Variants in INPP5J observed in about 807,000 individuals in gnomAD.
INPP5J encodes inositol polyphosphate-5-phosphatase J, also known as phosphatidylinositol 4,5-bisphosphate 5-phosphatase A.
In INPP5J, 75 loss-of-function variants were observed where a neutral mutation model predicts 86.6. The ratio of observed to expected loss-of-function variants is 0.87; its 90% CI spans 0.72 to 1.05. INPP5J has a LOEUF of 1.05. Among genes scored for constraint, INPP5J ranks in the 50% least tolerant of loss-of-function variants. The pLI, the probability that INPP5J is intolerant of heterozygous loss-of-function variation, is 0.00. For synonymous variants in INPP5J, 540 were observed against 550.0 expected, an observed-to-expected ratio of 0.98 and a Z score of 0.25; for missense variants, 1,229 against 1,341.2, an observed-to-expected ratio of 0.92 and a Z score of 1.31.
In INPP5J at chr22:31,133,220, G is replaced by C; in HGVS notation, c.2316G>C (p.Trp772Cys). The C allele has an allele frequency of 6.2e-7, 1 of 1,607,216 alleles. No homozygotes were observed. Among genetic ancestry groups the C allele is most frequent in the Non-Finnish European group, 8.5e-7 (1 of 1,177,978 alleles). ...ETVFARSSWD[W>C]IGLYRVGFRH... Reference sequence around the variant, plus strand: ...TGTTCGCCCGCAGCTCCTGGGACTGGATCGGCTTATACCGGGTGAGAGGGG... The same window carrying C: ...TGTTCGCCCGCAGCTCCTGGGACTGCATCGGCTTATACCGGGTGAGAGGGG... Residue 772 changes from tryptophan to cysteine, a missense_variant, in exon 10 of 13, where the codon TGG becomes TGC. Transcript: ENST00000331075.
rs116943163 is a variant in INPP5J at position 31,131,107 on chromosome 22, C to A, written c.2194-1991C>A. 2.4e-3 allele frequency among the ~76,000 whole-genome samples: 361 copies of A among 152,322 alleles called. 2 individuals carry two copies. The highest frequency in any genetic ancestry group is 6.8e-3 in the Middle Eastern group (2 of 294). ...CAGTCAGTGGGACATTGGCCAATAT[C>A]TTTAGCTGGGAATGGAAATATCCCC... On this transcript the variant is annotated intron_variant, in intron 9 of 12. Transcript: ENST00000331075.
In INPP5J at chr22:31,128,652, C is replaced by A. The variant is rs1921750757; in HGVS notation, c.2191C>A (p.Gln731Lys). ...GCCTGTGGCTGCCCAGTTCCTCCTG[C>A]AGGTGAGTTCTGGCCTCATCCTCCC... ...HKPVAAQFLL[Q>K]FAFRDDMPLV... The change falls in exon 9 of 13, where the codon CAG becomes AAG. Residue 731 changes from glutamine to lysine, a missense_variant and splice_region_variant. By Grantham distance (53) the Gln-to-Lys change is moderately conservative. Coordinates refer to ENST00000331075, the MANE Select transcript of INPP5J (RefSeq NM_001284285.2). The A allele has an allele frequency of 1.9e-6, 3 of 1,577,628 alleles. No individual in the cohort carries two copies. Among genetic ancestry groups the A allele is most frequent in the Non-Finnish European group, 2.6e-6 (3 of 1,162,102 alleles).
intron 5 of INPP5J, 60 bp from the exon 6 acceptor site, chr22:31,127,297 C>G: frequency 1.4e-6 from 2 of 1,479,648 alleles, no homozygotes; most frequent in Non-Finnish European, 1.8e-6. Flanking sequence ...ACCCCCGCTC[C>G]CAGTGCCTCA....
Position 31,133,720 on chromosome 22 carries a change from T to G in INPP5J, c.2514+6T>G, listed in dbSNP as rs768106175. On this transcript the variant is annotated splice_donor_region_variant and intron_variant, in intron 12 of 12. Transcript: ENST00000331075. The stretch of plus-strand genomic sequence containing the variant: ...GCATCACTGAACCCTTCCAGGTAAG[T>G]AGGCCAGACTGCTGGGCTGGGGGTG... 43 of 1,607,508 alleles carry G rather than the reference T, an allele frequency of 2.7e-5. No homozygotes were observed. Among genetic ancestry groups the G allele is most frequent in the Non-Finnish European group, 3.5e-5 (41 of 1,175,290 alleles).
At chr22:31,129,625 C>A (rs1602739138) in intron 9 of INPP5J, among the ~76,000 whole-genome samples, 1 of 148,846 alleles carries the variant, frequency 6.7e-6, no homozygotes, top group Non-Finnish European at 1.5e-5. Flanking sequence ...CTCACTGCAA[C>A]CTCTACCTCC....
intron 4 of INPP5J, 24 bp from the exon 5 acceptor site, chr22:31,126,897 C>G (rs1921521394): frequency 6.4e-7 from 1 of 1,569,428 alleles, no homozygotes; most frequent in Non-Finnish European, 8.7e-7. Context: ...TTCTGTCCCC[C>G]AGCCACGTGG....
In INPP5J at chr22:31,126,705, C is replaced by T; in HGVS notation, c.1478C>T (p.Pro493Leu). 1 of 1,613,496 alleles carries T rather than the reference C, an allele frequency of 6.2e-7. No homozygotes were observed. Among genetic ancestry groups the T allele is most frequent in the Non-Finnish European group, 8.5e-7 (1 of 1,179,446 alleles). Residue 493 changes from proline to leucine, a missense_variant, in exon 4 of 13, where the codon CCC becomes CTC. By Grantham distance (98) the Pro-to-Leu change is moderately conservative. Coordinates refer to ENST00000331075, the MANE Select transcript of INPP5J (RefSeq NM_001284285.2). Reference protein sequence around the residue: ...WSELFMDALGPFNFVLVSSVR... With the variant: ...WSELFMDALGLFNFVLVSSVR... The stretch of plus-strand genomic sequence containing the variant: ...GAGCTGTTCATGGATGCGCTAGGGC[C>T]CTTCAACTTCGTGCTGGTAACGCAC...
chr22:31,134,347 C>T lies in INPP5J; in HGVS notation c.2949C>T (p.Ala983=). The T allele has an allele frequency of 6.5e-7, 1 of 1,537,560 alleles. No homozygotes were observed. The highest frequency in any genetic ancestry group is 1.2e-5 in the South Asian group (1 of 82,482). The change falls in exon 13 of 13, where the codon GCC becomes GCT. Residue 983 remains alanine (A), a synonymous_variant. Transcript: ENST00000331075. ...GCTCCTGGGGACCTGATCGGGAGGCCCTGGCGCCCAACAGCCTGTCTCCTA... is the reference window on the plus strand; with the variant it reads ...GCTCCTGGGGACCTGATCGGGAGGCTCTGGCGCCCAACAGCCTGTCTCCTA... ...GGGSWGPDRE[A]LAPNSLSPSP...
At chr22:31,124,824 C>T (rs780500388) in intron 1 of INPP5J, 21 bp from the exon 2 acceptor site, 2 of 1,595,916 alleles carry the variant, frequency 1.3e-6, no homozygotes, top group East Asian at 2.2e-5. Flanking sequence ...CACTCTGAAT[C>T]TTTGACTTGT....
Position 31,127,156 on chromosome 22 carries a change from GC to G in INPP5J, c.1611+126del, listed in dbSNP as rs972744261. The G allele has an allele frequency of 6.0e-5, 49 of 815,828 alleles. No individual in the cohort carries two copies. In the African/African-American group the frequency reaches 7.6e-4, roughly 13 times the overall value. The allele number at this position is 815,828 out of a possible 1,614,324, so 50.5% of individuals were successfully genotyped here. ...CCTCCACCCTTTACCCTGCGGCCCA[GC>G]CCCCCCATGCACCACCCAATACCCC... is the stretch of plus-strand genomic sequence containing the variant. On this transcript the variant is annotated intron_variant, in intron 5 of 12. Coordinates refer to ENST00000331075, the MANE Select transcript of INPP5J (RefSeq NM_001284285.2).
Position 31,127,958 on chromosome 22 carries a change from T to C in INPP5J, c.1795T>C (p.Phe599Leu). The change falls in exon 7 of 13, where the codon TTC becomes CTC. Residue 599 changes from phenylalanine to leucine, a missense_variant. Physicochemically the swap from Phe to Leu is conservative, Grantham distance 22. Coordinates refer to ENST00000331075, the MANE Select transcript of INPP5J (RefSeq NM_001284285.2). ...AQGILDHDLV[F>L]WFGDLNFRIE... is the part of the protein sequence containing the mutation. ...ATCCCCCACCCCAAACAGCCTCGTG[T>C]TCTGGTTCGGGGACCTGAACTTCCG... 1 of 1,409,124 alleles carries C rather than the reference T, an allele frequency of 7.1e-7. No homozygotes were observed. The highest frequency in any genetic ancestry group is 9.5e-7 in the Non-Finnish European group (1 of 1,051,490). 87.3% of individuals were successfully genotyped at this position (1,409,124 alleles called of 1,614,324 possible). A position where few individuals can be genotyped will look rare whatever the true frequency, so the allele number is the denominator to read the frequency against.
At chr22:31,127,284 C>A in intron 5 of INPP5J, 73 bp from the exon 6 acceptor site, 2 of 1,414,230 alleles carry the variant, frequency 1.4e-6, no homozygotes, top group South Asian at 1.4e-5. Context: ...CATCTCCTCT[C>A]TAACCCCCGC....
rs1921378939 is a variant in INPP5J at position 31,126,025 on chromosome 22, TC to T, written c.1271+18del. The T allele has an allele frequency of 1.3e-6, 2 of 1,544,038 alleles. No individual in the cohort carries two copies. The highest frequency in any genetic ancestry group is 2.7e-5 in the African/African-American group (2 of 73,476). ...CCCGGCTTCCGGTGAGGGGGCCCTCTCCCAAGAAAGGTGGCTGGGGCTTAGC... is the reference window on the plus strand; with the variant it reads ...CCCGGCTTCCGGTGAGGGGGCCCTCTCCAAGAAAGGTGGCTGGGGCTTAGC... On this transcript the variant is annotated intron_variant, in intron 2 of 12. Coordinates refer to ENST00000331075, the MANE Select transcript of INPP5J (RefSeq NM_001284285.2).
At chr22:31,123,778 CAG>C (rs370979544) in intron 1 of INPP5J, 13 of 152,334 alleles carry the variant, frequency 8.5e-5, no homozygotes, top group African/African-American at 3.1e-4. Flanking sequence ...CTTCTGGAGA[CAG>C]GGGACATCAG....
chr22:31,131,135 G>A lies in INPP5J; in HGVS notation c.2194-1963G>A, dbSNP rs540791029. On this transcript the variant is annotated intron_variant, in intron 9 of 12. Coordinates refer to ENST00000331075, the MANE Select transcript of INPP5J (RefSeq NM_001284285.2). ...TAGCTGGGAATGGAAATATCCCCAC[G>A]CTTGGCCTGCCATGACCTCTGGCAA... Among the ~76,000 whole-genome samples the A allele has an allele frequency of 1.5e-3, 235 of 152,254 alleles. 1 individual carries two copies. Among genetic ancestry groups the A allele is most frequent in the Non-Finnish European group, 2.9e-3 (196 of 68,008 alleles).
intron 6 of INPP5J, 62 bp from the exon 7 acceptor site, chr22:31,127,889 C>A: frequency 1.0e-6 from 1 of 977,640 alleles, no homozygotes; most frequent in Non-Finnish European, 1.6e-6. Context: ...CCCTTATCCT[C>A]CATGGACCTG....
At chr22:31,127,082 G>A in intron 5 of INPP5J, 45 bp downstream of exon 5, 1 of 1,313,170 alleles carries the variant, frequency 7.6e-7, no homozygotes, top group Non-Finnish European at 1.1e-6. Flanking sequence ...CATGAAGGGG[G>A]CTTTAGATTA....
chr22:31,124,829 A>T lies in INPP5J; in HGVS notation c.106-16A>T. The T allele has an allele frequency of 6.3e-7, 1 of 1,599,500 alleles. No homozygotes were observed. On this transcript the variant is annotated splice_polypyrimidine_tract_variant and intron_variant, in intron 1 of 12. Transcript: ENST00000331075. ...TGGTTAGGGTCACTCTGAATCTTTG[A>T]CTTGTCCTCCACAAGGTGGACTCAA...
chr22:31,124,174 C>T, intron 1 of INPP5J: 2 of 777,868 alleles, frequency 2.6e-6, no homozygotes, highest in Non-Finnish European at 3.1e-6. Flanking sequence ...CAGAGAGGTA[C>T]TTGCCTAAGG....
Sources: gnomAD v4.1 joint callset for allele counts (sites outside exome capture counted in the v4.1 genomes callset) on GRCh38, gnomAD v4.1.1 for gene constraint, MANE v1.5 for transcripts, NCBI Gene and HGNC (gene_info 2026-07-23, HGNC 2026-07-21) for gene names.